EXOC4: variants seen among roughly 807,000 people sequenced by gnomAD.
EXOC4 encodes the protein SEC8-like 1.
EXOC4 carries 71 observed loss-of-function variants against 107.2 expected under a neutral mutation model. The ratio of observed to expected loss-of-function variants is 0.66; its 90% CI spans 0.55 to 0.81. The LOEUF (loss-of-function observed/expected upper bound fraction) is 0.81, where lower values mean the gene tolerates loss of function less well. EXOC4 is among the 30% of genes least tolerant of loss of function. The pLI, the probability that EXOC4 is intolerant of heterozygous loss-of-function variation, is 0.00. For synonymous variants in EXOC4, 456 were observed against 441.2 expected, an observed-to-expected ratio of 1.03 and a Z score of -0.42; for missense variants, 1,108 against 1,189.6, an observed-to-expected ratio of 0.93 and a Z score of 1.01.
intron 9 of EXOC4, among the ~76,000 whole-genome samples, chr7:133,573,464 T>C (rs1801066215): frequency 6.6e-6 from 1 of 152,208 alleles, no homozygotes; most frequent in Non-Finnish European, 1.5e-5. Context: ...TCATCATCTC[T>C]GGTCCTCTAC....
intron 14 of EXOC4, among the ~76,000 whole-genome samples, chr7:133,940,542 T>C (rs991642807): frequency 7.2e-5 from 11 of 152,188 alleles, no homozygotes; most frequent in Admixed American, 6.5e-5. Context: ...AAAACCCAAG[T>C]GAACTGTAAT....
intron 10 of EXOC4, among the ~76,000 whole-genome samples, chr7:133,780,767 GACCA>G (rs923902245): frequency 6.6e-5 from 10 of 152,286 alleles, no homozygotes; most frequent in African/African-American, 2.4e-4. Context: ...GGCGCCTGTA[GACCA>G]ACCAACAGCT....
At chr7:133,981,563 C>T (rs1407929722) in intron 14 of EXOC4, among the ~76,000 whole-genome samples, 1 of 151,842 alleles carries the variant, frequency 6.6e-6, no homozygotes, top group African/African-American at 2.4e-5. Context: ...CATCTCACAC[C>T]AGTCAGAATA....
intron 9 of EXOC4, among the ~76,000 whole-genome samples, chr7:133,553,376 A>G (rs1444978868): frequency 2.6e-5 from 4 of 152,096 alleles, no homozygotes; most frequent in Non-Finnish European, 5.9e-5. Flanking sequence ...CCCTGAAATA[A>G]TGTTCTAAAT....
At chr7:133,869,209 G>A (rs1798703246) in intron 11 of EXOC4, among the ~76,000 whole-genome samples, 1 of 151,916 alleles carries the variant, frequency 6.6e-6, no homozygotes, top group African/African-American at 2.4e-5. Context: ...TCCTCTTCAA[G>A]AAGACTCAAA....
chr7:134,037,679 C>T (rs1200148744), intron 17 of EXOC4, among the ~76,000 whole-genome samples: 3 of 152,200 alleles, frequency 2.0e-5, no homozygotes, highest in African/African-American at 7.2e-5. Flanking sequence ...CATCCCTCCT[C>T]AGGGAGAGTC....
At chr7:134,073,515 G>A in the EXOC4 span, among the ~76,000 whole-genome samples, 5 of 151,782 alleles carry the variant, frequency 3.3e-5, no homozygotes, top group African/African-American at 1.2e-4. Flanking sequence ...TACCCTTTAG[G>A]GACCAGACCT....
At chr7:133,348,545 A>G (rs1795837784) in intron 5 of EXOC4, among the ~76,000 whole-genome samples, 1 of 152,208 alleles carries the variant, frequency 6.6e-6, no homozygotes, top group Non-Finnish European at 1.5e-5. Flanking sequence ...TTTGTGACTC[A>G]TACGTGCTTT....
chr7:133,836,884 T>C (rs1438624853), intron 11 of EXOC4, among the ~76,000 whole-genome samples: 1 of 152,120 alleles, frequency 6.6e-6, no homozygotes, highest in East Asian at 1.9e-4. Context: ...CCCTGGAATA[T>C]AATTGCCGTT....
intron 3 of EXOC4, among the ~76,000 whole-genome samples, chr7:133,299,337 A>T (rs1317678926): frequency 6.6e-6 from 1 of 152,146 alleles, no homozygotes; most frequent in African/African-American, 2.4e-5. Flanking sequence ...CATCTCTCAG[A>T]TACTGCCGTT....
At chr7:133,852,998 C>T (rs1367384479) in intron 11 of EXOC4, among the ~76,000 whole-genome samples, 2 of 152,176 alleles carry the variant, frequency 1.3e-5, no homozygotes, top group Non-Finnish European at 2.9e-5. Flanking sequence ...CAGAATCTGA[C>T]ATGGAGTAAG....
intron 2 of EXOC4, among the ~76,000 whole-genome samples, chr7:133,279,553 C>T (rs1381934135): frequency 6.6e-6 from 1 of 152,204 alleles, no homozygotes; most frequent in African/African-American, 2.4e-5. Flanking sequence ...GGGTCTCTCT[C>T]CATCACCCGG....
intron 10 of EXOC4, among the ~76,000 whole-genome samples, chr7:133,726,677 A>G (rs1022180416): frequency 6.6e-6 from 1 of 152,076 alleles, no homozygotes; most frequent in African/African-American, 2.4e-5. Context: ...TTATCCCTCT[A>G]CTAGGAGCCC....
chr7:133,744,516 A>T (rs999002078), intron 10 of EXOC4, among the ~76,000 whole-genome samples: 1 of 152,210 alleles, frequency 6.6e-6, no homozygotes, highest in African/African-American at 2.4e-5. Context: ...AACTGATGAT[A>T]GAGTTGTTGG....
At chr7:133,490,739 A>G (rs1371738485) in intron 9 of EXOC4, among the ~76,000 whole-genome samples, 1 of 152,150 alleles carries the variant, frequency 6.6e-6, no homozygotes, top group African/African-American at 2.4e-5. Context: ...ATTGATAAGA[A>G]CCAATGGTGT....
intron 1 of EXOC4, among the ~76,000 whole-genome samples, chr7:133,260,273 T>C (rs547489789): frequency 6.6e-6 from 1 of 151,678 alleles, no homozygotes; most frequent in East Asian, 1.9e-4. Flanking sequence ...TTTAACTGTT[T>C]TTTTTTTTTT....
At chr7:133,676,908 G>A (rs1191249789) in intron 10 of EXOC4, among the ~76,000 whole-genome samples, 5 of 147,088 alleles carry the variant, frequency 3.4e-5, no homozygotes, top group African/African-American at 1.0e-4. Context: ...ATAAATTATT[G>A]GGGGGTATGT....
intron 10 of EXOC4, among the ~76,000 whole-genome samples, chr7:133,749,945 G>GTGGT (rs145347888): frequency 0.02 from 2,928 of 144,216 alleles, 102 homozygotes; most frequent in African/African-American, 0.069. Flanking sequence ...CTTCCTAAAG[G>GTGGT]TGGTTGGCAG....
chr7:134,092,078 A>G, the EXOC4 span, among the ~76,000 whole-genome samples: 1 of 152,180 alleles, frequency 6.6e-6, no homozygotes, highest in Non-Finnish European at 1.5e-5. Context: ...GGGATATGTG[A>G]CTTTGTCTGA....
Sources: allele counts gnomAD v4.1 joint callset (sites outside exome capture counted in the v4.1 genomes callset), GRCh38; gene constraint gnomAD v4.1.1; transcripts MANE v1.5; gene names NCBI Gene and HGNC (gene_info 2026-07-23, HGNC 2026-07-21).